The following PLXNC1 variants were observed in gnomAD, a reference collection of about 807,000 sequenced individuals.
PLXNC1 encodes the protein plexin-C1.
PLXNC1 carries 75 observed loss-of-function variants against 178.2 expected under a neutral mutation model. The observed-to-expected ratio is 0.42, with a 90% CI of 0.35 to 0.51. PLXNC1 has a LOEUF of 0.51. PLXNC1 is among the 20% of genes least tolerant of loss of function. The probability of loss-of-function intolerance (pLI) is 0.02; values close to 1 mark genes in which losing one functional copy is unlikely to be tolerated. For missense variants in PLXNC1, 1,503 were observed against 1,984.4 expected, an observed-to-expected ratio of 0.76 and a Z score of 4.61; for synonymous variants, 790 against 779.9, an observed-to-expected ratio of 1.01 and a Z score of -0.22.
intron 4 of PLXNC1, among the ~76,000 whole-genome samples, chr12:94,207,544 C>A (rs1054454823): frequency 1.3e-5 from 2 of 152,056 alleles, no homozygotes; most frequent in Non-Finnish European, 2.9e-5. Flanking sequence ...TTTATTGAAA[C>A]CCTAGTATTT....
intron 6 of PLXNC1, among the ~76,000 whole-genome samples, chr12:94,220,420 A>G (rs1305193574): frequency 1.3e-5 from 2 of 152,230 alleles, no homozygotes; most frequent in African/African-American, 4.8e-5. Flanking sequence ...CAGAAAAGCC[A>G]GATAGCACTG....
At chr12:94,187,353 G>A (rs74824874) in intron 4 of PLXNC1, among the ~76,000 whole-genome samples, 33,153 of 152,054 alleles carry the variant, frequency 0.22, 3,812 homozygotes, top group African/African-American at 0.29. Context: ...TGACTGAAGG[G>A]GGAGACAGCC....
chr12:94,278,027 C>T lies in PLXNC1; in HGVS notation c.3598-1445C>T, dbSNP rs149561999. On this transcript the variant is annotated intron_variant, in intron 21 of 30. Coordinates refer to ENST00000258526, the MANE Select transcript of PLXNC1 (RefSeq NM_005761.3). ...ATATACCTGGCTAGTGTCCACAGTA[C>T]TTGGGGACCTCCTCTTTCGGCTTTG... The T allele has an allele frequency of 1.9e-3, 880 of 456,082 alleles. 7 individuals carry two copies. The highest frequency in any genetic ancestry group is 0.016 in the African/African-American group (824 of 50,176). 28.3% of individuals were successfully genotyped at this position (456,082 alleles called of 1,614,324 possible).
chr12:94,206,609 G>T (rs983310243), intron 4 of PLXNC1, among the ~76,000 whole-genome samples: 2 of 151,864 alleles, frequency 1.3e-5, no homozygotes, highest in African/African-American at 4.8e-5. Context: ...AGCTCTAAGT[G>T]GAAATAAGGA....
chr12:94,231,713 TGGA>T (rs966842856), intron 9 of PLXNC1, among the ~76,000 whole-genome samples: 5 of 152,054 alleles, frequency 3.3e-5, no homozygotes, highest in African/African-American at 1.2e-4. Context: ...TGTATGACCT[TGGA>T]GGAGGAGTAT....
chr12:94,177,642 C>A (rs2135954880), intron 2 of PLXNC1, among the ~76,000 whole-genome samples: 1 of 151,974 alleles, frequency 6.6e-6, no homozygotes, highest in South Asian at 2.1e-4. Context: ...AGCTTCCTTG[C>A]CACAATTCAG....
chr12:94,292,619 A>G (rs1341106919), intron 23 of PLXNC1, among the ~76,000 whole-genome samples: 6 of 152,216 alleles, frequency 3.9e-5, no homozygotes, highest in Non-Finnish European at 8.8e-5. Flanking sequence ...CATACACATA[A>G]TGAAATATTT....
chr12:94,190,449 C>T (rs1213894079), intron 4 of PLXNC1, among the ~76,000 whole-genome samples: 2 of 152,110 alleles, frequency 1.3e-5, no homozygotes, highest in Non-Finnish European at 2.9e-5. Context: ...CCATGTTGCC[C>T]AGGCTGGTCT....
Position 94,241,262 on chromosome 12 carries a change from A to G in PLXNC1, c.2300+598A>G, listed in dbSNP as rs149026928. Among the ~76,000 whole-genome samples, 49 of 152,186 alleles carry G rather than the reference A, an allele frequency of 3.2e-4. No homozygotes were observed. The East Asian group carries it at 9.1e-3, about 28-fold the overall frequency. On this transcript the variant is annotated intron_variant, in intron 11 of 30. Coordinates refer to ENST00000258526, the MANE Select transcript of PLXNC1 (RefSeq NM_005761.3). The stretch of plus-strand genomic sequence containing the variant: ...CTTGTACATGTTTATGGGACACGTG[A>G]TGTTTTTTCTATGATCATACAGTGA...
intron 11 of PLXNC1, among the ~76,000 whole-genome samples, chr12:94,241,790 A>G (rs1173462801): frequency 2.0e-5 from 3 of 152,118 alleles, no homozygotes; most frequent in Admixed American, 6.6e-5. Flanking sequence ...TTGAGTCCCT[A>G]TCTTGGTTAT....
intron 4 of PLXNC1, among the ~76,000 whole-genome samples, chr12:94,202,504 T>C (rs1454853169): frequency 6.6e-6 from 1 of 152,168 alleles, no homozygotes; most frequent in Non-Finnish European, 1.5e-5. Context: ...AGTAGGAGCA[T>C]GTGTAAATGT....
chr12:94,275,381 G>A (rs1965852237), intron 21 of PLXNC1, among the ~76,000 whole-genome samples: 1 of 152,210 alleles, frequency 6.6e-6, no homozygotes, highest in Non-Finnish European at 1.5e-5. Context: ...CTTCCATCGA[G>A]GTGTCTCCCC....
At chr12:94,250,205 T>A (rs549122191) in intron 14 of PLXNC1, among the ~76,000 whole-genome samples, 22 of 151,978 alleles carry the variant, frequency 1.4e-4, no homozygotes, top group Admixed American at 9.2e-4. Flanking sequence ...GGTTAGAGAG[T>A]TCATGGAGAC....
At chr12:94,270,147 A>G (rs1413160315) in intron 21 of PLXNC1, among the ~76,000 whole-genome samples, 1 of 152,256 alleles carries the variant, frequency 6.6e-6, no homozygotes, top group Non-Finnish European at 1.5e-5. Context: ...GGAGATAGAA[A>G]GCATTTTCCA....
At position 94,171,800 on chromosome 12, in the gene PLXNC1, G is replaced by A. The variant is rs145530303; in HGVS notation, c.1203+2507G>A. 1.2e-4 allele frequency among the ~76,000 whole-genome samples: 18 copies of A among 152,306 alleles called. 1 individual carries two copies. Among genetic ancestry groups the A allele is most frequent in the African/African-American group, 4.1e-4 (17 of 41,558 alleles). ...CTGACTGAGGAAATACCTCACTGGC[G>A]TGGTAACTTCTTGGGAATTAACACC... On this transcript the variant is annotated intron_variant, in intron 2 of 30. Transcript: ENST00000258526.
chr12:94,202,020 A>G (rs1487880467), intron 4 of PLXNC1, among the ~76,000 whole-genome samples: 1 of 151,802 alleles, frequency 6.6e-6, no homozygotes, highest in Non-Finnish European at 1.5e-5. Flanking sequence ...TGGCCTCCCA[A>G]AGTGCTGGGA....
chr12:94,223,218 A>G (rs1214660962), intron 6 of PLXNC1, among the ~76,000 whole-genome samples: 1 of 152,230 alleles, frequency 6.6e-6, no homozygotes, highest in Non-Finnish European at 1.5e-5. Flanking sequence ...GTTCAAGACC[A>G]GCCTAGCCAA....
At chr12:94,172,799 G>A (rs1961895449) in intron 2 of PLXNC1, among the ~76,000 whole-genome samples, 2 of 152,114 alleles carry the variant, frequency 1.3e-5, no homozygotes, top group African/African-American at 2.4e-5. Context: ...TTAAAGACAT[G>A]CATTTTCCAA....
chr12:94,209,431 T>C (rs983020837), intron 4 of PLXNC1, among the ~76,000 whole-genome samples, 159 bp from the exon 5 acceptor site: 2 of 152,252 alleles, frequency 1.3e-5, no homozygotes, highest in Admixed American at 6.5e-5. Flanking sequence ...GGTTTTAGCA[T>C]CATGTTCCTA....
Sources: gnomAD v4.1 joint callset for allele counts (sites outside exome capture counted in the v4.1 genomes callset) on GRCh38, gnomAD v4.1.1 for gene constraint, MANE v1.5 for transcripts, NCBI Gene and HGNC (gene_info 2026-07-23, HGNC 2026-07-21) for gene names.